Variants in CTNNA1 observed in about 807,000 individuals in gnomAD.
The protein encoded by CTNNA1 is catenin alpha 1.
Under a neutral mutation model 98.4 loss-of-function variants are expected in CTNNA1, and 37 were observed. The observed-to-expected ratio is 0.38, with a 90% CI of 0.29 to 0.49. The LOEUF (loss-of-function observed/expected upper bound fraction) is 0.49. CTNNA1 is among the 20% of genes least tolerant of loss of function. The pLI is 0.95. For missense variants in CTNNA1, 761 were observed against 1,147.2 expected, an observed-to-expected ratio of 0.66 and a Z score of 4.86; for synonymous variants, 404 against 413.2, an observed-to-expected ratio of 0.98 and a Z score of 0.27.
In CTNNA1 at chr5:138,873,202, T is replaced by G; in HGVS notation, c.1063-13010T>G. ...GAACCATTGAGCACTGCCTAATTCTTCTTAAAGTGGGAGGGCAGCACTTCC... is the reference window on the plus strand; with the variant it reads ...GAACCATTGAGCACTGCCTAATTCTGCTTAAAGTGGGAGGGCAGCACTTCC... On this transcript the variant is annotated intron_variant, in intron 7 of 17. Coordinates refer to ENST00000302763, the MANE Select transcript of CTNNA1 (RefSeq NM_001903.5). This position sits in a 1 kb window ranked among gnomAD's most constrained non-coding sequence, Gnocchi z 6.1. 1 of 1,613,962 alleles carries G rather than the reference T, an allele frequency of 6.2e-7. No individual in the cohort carries two copies. Among genetic ancestry groups the G allele is most frequent in the Non-Finnish European group, 8.5e-7 (1 of 1,179,874 alleles).
intron 8 of CTNNA1, among the ~76,000 whole-genome samples, chr5:138,886,967 A>G (rs570187794): frequency 2.6e-5 from 4 of 152,268 alleles, no homozygotes; most frequent in African/African-American, 9.6e-5. Flanking sequence ...AACAAAATTA[A>G]AGATAAAATA....
Position 138,873,428 on chromosome 5 carries a change from G to T in CTNNA1, c.1063-12784G>T. 1.2e-6 allele frequency: 2 copies of T among 1,613,970 alleles called. No homozygotes were observed. Among genetic ancestry groups the T allele is most frequent in the Non-Finnish European group, 1.7e-6 (2 of 1,179,898 alleles). Reference sequence around the variant, plus strand: ...GCTTATTCTTTTTGTATATTCAGTGGTTGGATCTCTATAAGTTGTAGCCAT... The same window carrying T: ...GCTTATTCTTTTTGTATATTCAGTGTTTGGATCTCTATAAGTTGTAGCCAT... On this transcript the variant is annotated intron_variant, in intron 7 of 17. Transcript: ENST00000302763. This position sits in a 1 kb window ranked among gnomAD's most constrained non-coding sequence, Gnocchi z 6.1.
intron 7 of CTNNA1, among the ~76,000 whole-genome samples, chr5:138,830,759 G>A (rs1470304456): frequency 6.6e-6 from 1 of 152,232 alleles, no homozygotes; most frequent in South Asian, 2.1e-4. Flanking sequence ...GTAAGAGGAG[G>A]AATGAGGCTC....
chr5:138,782,065 G>A (rs1259803818), intron 2 of CTNNA1, 36 bp downstream of exon 2: 1 of 1,587,610 alleles, frequency 6.3e-7, no homozygotes, highest in African/African-American at 1.4e-5. Flanking sequence ...TTGTAACATG[G>A]TTCTATAGCA....
At chr5:138,764,628 C>T (rs1752712520) in intron 1 of CTNNA1, among the ~76,000 whole-genome samples, 3 of 151,404 alleles carry the variant, frequency 2.0e-5, no homozygotes, top group African/African-American at 7.3e-5. Flanking sequence ...TGCACCACCA[C>T]GCCTGGCTGA....
chr5:138,838,543 C>CT (rs1762000538), intron 7 of CTNNA1, among the ~76,000 whole-genome samples: 2 of 151,456 alleles, frequency 1.3e-5, no homozygotes, highest in South Asian at 4.2e-4. Flanking sequence ...TTTTTTTCCT[C>CT]TAATACTTCC....
At chr5:138,779,976 T>C (rs2149644112) in intron 1 of CTNNA1, among the ~76,000 whole-genome samples, 1 of 152,166 alleles carries the variant, frequency 6.6e-6, no homozygotes, top group East Asian at 1.9e-4. Flanking sequence ...AAGAGTAACA[T>C]TGTAGCCCGT....
In CTNNA1 at chr5:138,824,702, G is replaced by T. The variant is rs1760462669; in HGVS notation, c.761G>T (p.Gly254Val). 2.5e-6 allele frequency: 4 copies of T among 1,614,224 alleles called. No homozygotes were observed. The highest frequency in any genetic ancestry group is 3.4e-6 in the Non-Finnish European group (4 of 1,180,048). ...IYKQLQQAVTGISNAAQATAS... is the reference protein window; with the variant it reads ...IYKQLQQAVTVISNAAQATAS... ...AAGCAGCTGCAGCAGGCGGTCACAG[G>T]CATTTCCAATGCAGCCCAGGCCACT... The change falls in exon 6 of 18, where the codon GGC becomes GTC. Residue 254 changes from glycine to valine, a missense_variant. Around this residue, in one of 6 missense-constraint regions of CTNNA1, gnomAD observed 328 missense variants for 354.3 expected, o/e 0.93. Coordinates refer to ENST00000302763, the MANE Select transcript of CTNNA1 (RefSeq NM_001903.5).
In CTNNA1 at chr5:138,850,618, C is replaced by G. The variant is rs73263430; in HGVS notation, c.1062+22900C>G. Among the ~76,000 whole-genome samples, 472 of 152,260 alleles carry G rather than the reference C, an allele frequency of 3.1e-3. 4 individuals are homozygous for G. Among genetic ancestry groups the G allele is most frequent in the African/African-American group, 0.011 (448 of 41,572 alleles). Reference sequence around the variant, plus strand: ...CTTCATTAATTTATTTTTCACATCACAGATGGTTTAAAGTCTTCATTTACT... The same window carrying G: ...CTTCATTAATTTATTTTTCACATCAGAGATGGTTTAAAGTCTTCATTTACT... On this transcript the variant is annotated intron_variant, in intron 7 of 17. Transcript: ENST00000302763.
At chr5:138,930,972 C>T (rs1343080353) in intron 16 of CTNNA1, 37 bp downstream of exon 16, 2 of 1,397,006 alleles carry the variant, frequency 1.4e-6, no homozygotes, top group African/African-American at 1.4e-5. Context: ...CTCCAAGCTC[C>T]TCCTGGGGCT....
At chr5:138,927,331 G>C (rs1278279244) in intron 13 of CTNNA1, among the ~76,000 whole-genome samples, 1 of 152,186 alleles carries the variant, frequency 6.6e-6, no homozygotes, top group African/African-American at 2.4e-5. Context: ...ATTTCCTGCT[G>C]ATCTCCTCTT....
intron 11 of CTNNA1, among the ~76,000 whole-genome samples, chr5:138,921,449 G>A (rs564615839): frequency 6.6e-6 from 1 of 152,288 alleles, no homozygotes; most frequent in South Asian, 2.1e-4. Context: ...TTAAGTGTCA[G>A]TGTCCAAAGA....
At chr5:138,920,692 C>G (rs910848185) in intron 11 of CTNNA1, among the ~76,000 whole-genome samples, 3 of 152,166 alleles carry the variant, frequency 2.0e-5, no homozygotes, top group Admixed American at 1.3e-4. Context: ...GATTTTCCAC[C>G]ATCAAATTCT....
At chr5:138,861,029 T>G (rs1764223463) in intron 7 of CTNNA1, among the ~76,000 whole-genome samples, 1 of 151,970 alleles carries the variant, frequency 6.6e-6, no homozygotes. Context: ...AACACAATCT[T>G]TTTTTTTGGA....
chr5:138,920,987 G>A (rs1437740968), intron 11 of CTNNA1, among the ~76,000 whole-genome samples: 1 of 152,144 alleles, frequency 6.6e-6, no homozygotes, highest in Non-Finnish European at 1.5e-5. Flanking sequence ...TCAAATATGT[G>A]ACAGTCGCAC....
intron 10 of CTNNA1, among the ~76,000 whole-genome samples, chr5:138,911,639 T>A (rs1037998713): frequency 1.3e-5 from 2 of 152,152 alleles, no homozygotes; most frequent in Admixed American, 6.5e-5. Flanking sequence ...GGAACACAGA[T>A]TTGATGATAA....
At chr5:138,882,061 T>C (rs13362150) in intron 7 of CTNNA1, among the ~76,000 whole-genome samples, 3,486 of 152,300 alleles carry the variant, frequency 0.023, 136 homozygotes, top group African/African-American at 0.081. Context: ...GTGTCTCTAA[T>C]TGGTTATTGG....
At chr5:138,827,438 C>A in intron 6 of CTNNA1, 77 bp from the exon 7 acceptor site, 2 of 1,498,008 alleles carry the variant, frequency 1.3e-6, no homozygotes, top group African/African-American at 1.4e-5. Context: ...CTTGATATTA[C>A]TAATAACACT....
intron 7 of CTNNA1, chr5:138,871,782 A>G (rs1750656617): frequency 6.6e-6 from 1 of 152,272 alleles, no homozygotes; most frequent in Non-Finnish European, 1.5e-5. Context: ...CCTACACTGA[A>G]CTACACTTAC....
Sources: allele counts gnomAD v4.1 joint callset (sites outside exome capture counted in the v4.1 genomes callset), GRCh38; gene constraint gnomAD v4.1.1; regional missense constraint gnomAD v4.1.1; non-coding constraint Gnocchi (gnomAD v3.1); transcripts MANE v1.5; gene names NCBI Gene and HGNC (gene_info 2026-07-23, HGNC 2026-07-21).